MYH13: variants seen among roughly 807,000 people sequenced by gnomAD.
MYH13 encodes the protein myosin-13.
Under a neutral mutation model 232.1 loss-of-function variants are expected in MYH13, and 177 were observed. The observed-to-expected ratio is 0.76, with a 90% CI of 0.67 to 0.86. The LOEUF (loss-of-function observed/expected upper bound fraction) is 0.86, where lower values mean the gene tolerates loss of function less well. Among genes scored for constraint, MYH13 ranks in the 40% least tolerant of loss-of-function variants. The probability of loss-of-function intolerance (pLI) is 0.00; values close to 1 mark genes in which losing one functional copy is unlikely to be tolerated. For missense variants in MYH13, 2,246 were observed against 2,405.9 expected (o/e 0.93, Z 1.39); for synonymous variants, 884 against 923.5 (o/e 0.96, Z 0.78).
rs778403927 is a variant in MYH13, at chr17:10,306,415, C to G, written c.5466+44G>C. The G allele has an allele frequency of 6.2e-7, 1 of 1,612,518 alleles. No individual in the cohort carries two copies. Among genetic ancestry groups the G allele is most frequent in the African/African-American group, 1.3e-5 (1 of 74,802 alleles). ...TCAGTTTCTGGACTGTGGTTCTGTC[C>G]GAGGCTGTCACTTTCAGAGTAACAG... On this transcript the variant is annotated intron_variant, in intron 37 of 40. Coordinates refer to ENST00000252172, the MANE Select transcript of MYH13 (RefSeq NM_003802.3). The surrounding 1 kb of genome is among the most constrained non-coding windows in gnomAD (Gnocchi z 4.3).
In MYH13 at chr17:10,350,790, A is replaced by G. The variant is rs562868435; in HGVS notation, c.1006-96T>C. On this transcript the variant is annotated intron_variant, in intron 11 of 40. Coordinates refer to ENST00000252172, the MANE Select transcript of MYH13 (RefSeq NM_003802.3). Reference sequence around the variant, plus strand: ...ACCTTACCTCTTTTTTGTATAGCATATGAGACAGCATTTGCCCAAATAAGT... The same window carrying G: ...ACCTTACCTCTTTTTTGTATAGCATGTGAGACAGCATTTGCCCAAATAAGT... 1,153 of 1,492,310 alleles carry G rather than the reference A, an allele frequency of 7.7e-4. 2 individuals are homozygous for G. The highest frequency in any genetic ancestry group is 9.7e-4 in the Non-Finnish European group (1,047 of 1,078,344). 92.4% of individuals were successfully genotyped at this position (1,492,310 alleles called of 1,614,324 possible).
At chr17:10,363,121 G>T (rs982562413) in intron 3 of MYH13, among the ~76,000 whole-genome samples, 4 of 151,532 alleles carry the variant, frequency 2.6e-5, no homozygotes, top group Non-Finnish European at 5.9e-5. Flanking sequence ...TTTTCCCTCT[G>T]TTTTTTTCCC....
At chr17:10,322,236 CA>C (rs10715626) in intron 23 of MYH13, among the ~76,000 whole-genome samples, 112,721 of 149,462 alleles carry the variant, frequency 0.75, 43,008 homozygotes, top group South Asian at 0.9. Flanking sequence ...ACTAAAAATA[CA>C]AAAAAAAAAA....
In MYH13 at chr17:10,337,563, A is replaced by T. The variant is rs930879113; in HGVS notation, c.2056+2587T>A. ...TGCTCTAGGTGCCCTGGGGTAAGGC[A>T]TGGAAATCTCCATAGTCTCTAGTCT... is the stretch of plus-strand genomic sequence containing the variant. On this transcript the variant is annotated intron_variant, in intron 18 of 40. Transcript: ENST00000252172. Among the ~76,000 whole-genome samples the T allele has an allele frequency of 3.8e-4, 58 of 152,300 alleles. 1 individual carries two copies. The highest frequency in any genetic ancestry group is 1.3e-3 in the African/African-American group (52 of 41,574).
chr17:10,315,615 C>T (rs1242343134), intron 29 of MYH13, 78 bp downstream of exon 29: 6 of 1,285,774 alleles, frequency 4.7e-6, no homozygotes, highest in Non-Finnish European at 6.6e-6. Context: ...CTTGATGTAG[C>T]ACTGCTCTGA....
chr17:10,323,586 C>T (rs886702418), intron 23 of MYH13, among the ~76,000 whole-genome samples: 3 of 151,632 alleles, frequency 2.0e-5, no homozygotes, highest in Non-Finnish European at 2.9e-5. Context: ...GGTGAAACTC[C>T]GTCTCTACTA....
At position 10,315,789 on chromosome 17, in the gene MYH13, T is replaced by C. The variant is rs1470482420; in HGVS notation, c.3888A>G (p.Glu1296=). 2 of 1,613,970 alleles carry C rather than the reference T, an allele frequency of 1.2e-6. No homozygotes were observed. The highest frequency in any genetic ancestry group is 1.7e-6 in the Non-Finnish European group (2 of 1,179,876). The change falls in exon 29 of 41, where the codon GAA becomes GAG. Residue 1296 remains glutamate, a synonymous_variant. Coordinates refer to ENST00000252172, the MANE Select transcript of MYH13 (RefSeq NM_003802.3). ...TQNGELSHRV[E]EKESLISQLT... ...GCTGTGAAATCAGAGACTCCTTCTC[T>C]TCCACTCGGTGGCTCAGCTCCCCTA...
At position 10,357,772 on chromosome 17, in the gene MYH13, T is replaced by C; in HGVS notation, c.701A>G (p.Asn234Ser). The C allele has an allele frequency of 6.2e-7, 1 of 1,614,042 alleles. No homozygotes were observed. Among genetic ancestry groups the C allele is most frequent in the Non-Finnish European group, 8.5e-7 (1 of 1,179,942 alleles). Residue 234 changes from asparagine (N) to serine (S), a missense_variant, in exon 8 of 41, where the codon AAT (asparagine) becomes AGT (serine). Physicochemically the swap from Asn to Ser is conservative, Grantham distance 46. Coordinates refer to ENST00000252172, the MANE Select transcript of MYH13 (RefSeq NM_003802.3). ...GTTGTCATTCCTCACAGTCTTGGCA[T>C]TTCCAAAGGCCTCCAGCAGTGGGTT... ...QANPLLEAFG[N>S]AKTVRNDNSS...
At position 10,328,180 on chromosome 17, in the gene MYH13, C is replaced by G. The variant is rs989708357; in HGVS notation, c.2436-59G>C. The G allele has an allele frequency of 1.3e-5, 20 of 1,584,004 alleles. No individual in the cohort carries two copies. In the African/African-American group the frequency reaches 1.9e-4, roughly 15 times the overall value. On this transcript the variant is annotated intron_variant, in intron 21 of 40. Transcript: ENST00000252172. ...CAGCAAGGTCTGGTCTCTGCACCCC[C>G]AACCTGTCCCCGACGGACCCCATCC...
Position 10,330,510 on chromosome 17 carries a change from G to A in MYH13, c.2312C>T (p.Ala771Val), listed in dbSNP as rs765633329. 3.1e-6 allele frequency: 5 copies of A among 1,609,452 alleles called. No individual in the cohort carries two copies. Among genetic ancestry groups the A allele is most frequent in the Admixed American group, 1.7e-5 (1 of 59,548 alleles). The change falls in exon 21 of 41, where the codon GCT (alanine) becomes GTT (valine). Residue 771 changes from alanine (A) to valine (V), a missense_variant. Coordinates refer to ENST00000252172, the MANE Select transcript of MYH13 (RefSeq NM_003802.3). Reference sequence around the variant, plus strand: ...CTCCTCCAAAAGTCCCAGGAGCCCAGCTTTGAAAAACACCTGCATTAAAAG... The same window carrying A: ...CTCCTCCAAAAGTCCCAGGAGCCCAACTTTGAAAAACACCTGCATTAAAAG... The part of the protein sequence containing the change: ...RFGNTKVFFK[A>V]GLLGLLEEMR...
At chr17:10,368,087 T>C (rs1183270763) in intron 2 of MYH13, among the ~76,000 whole-genome samples, 2 of 152,204 alleles carry the variant, frequency 1.3e-5, no homozygotes, top group African/African-American at 4.8e-5. Context: ...AAAATACTGG[T>C]TCACTGAATT....
At chr17:10,322,205 A>G (rs931783188) in intron 23 of MYH13, among the ~76,000 whole-genome samples, 5 of 150,642 alleles carry the variant, frequency 3.3e-5, no homozygotes, top group African/African-American at 4.9e-5. Flanking sequence ...ATCCTGACTA[A>G]CATCGTGAAA....
At chr17:10,326,922 T>C (rs12938606) in intron 22 of MYH13, among the ~76,000 whole-genome samples, 84,375 of 143,064 alleles carry the variant, frequency 0.59, 25,316 homozygotes, top group Non-Finnish European at 0.66. Flanking sequence ...CTCAGGTGAT[T>C]CTCCCACCTC....
intron 15 of MYH13, 141 bp from the exon 16 acceptor site, chr17:10,344,250 G>C: frequency 7.8e-7 from 1 of 1,277,630 alleles, no homozygotes; most frequent in African/African-American, 1.5e-5. Context: ...CAAGACTCTT[G>C]GTCTGTTTGG....
At position 10,312,771 on chromosome 17, in the gene MYH13, ATT is replaced by A. The variant is rs202132532; in HGVS notation, c.4182-16_4182-15del. 3 of 1,524,488 alleles carry A rather than the reference ATT, an allele frequency of 2.0e-6. No individual in the cohort carries two copies. The South Asian group carries it at 3.6e-5, about 18-fold the overall frequency. The allele number at this position is 1,524,488 out of a possible 1,614,324, so 94.4% of individuals were successfully genotyped here. ...GCCAGTTTTTTCCTACGAAAACCAG[ATT>A]TTTTTTTTCCCCTTCGCAAAGGTGG... On this transcript the variant is annotated splice_polypyrimidine_tract_variant and intron_variant, in intron 30 of 40. Transcript: ENST00000252172.
chr17:10,351,975 G>A (rs948041357), intron 11 of MYH13, among the ~76,000 whole-genome samples: 31 of 152,130 alleles, frequency 2.0e-4, no homozygotes, highest in African/African-American at 7.5e-4. Flanking sequence ...AGTGGAGAAT[G>A]AGCCTATGCC....
chr17:10,323,787 A>AAAAGAAG (rs1907083494), intron 23 of MYH13, among the ~76,000 whole-genome samples: 1 of 66,706 alleles, frequency 1.5e-5, no homozygotes, highest in Non-Finnish European at 2.8e-5. Flanking sequence ...AAAAAAAAAA[A>AAAAGAAG]AAGAAGAAGA....
At position 10,335,519 on chromosome 17, in the gene MYH13, G is replaced by A. The variant is rs886942994; in HGVS notation, c.2057-2328C>T. 5.3e-5 allele frequency among the ~76,000 whole-genome samples: 8 copies of A among 152,290 alleles called. No homozygotes were observed. The South Asian group carries it at 1.4e-3, about 28-fold the overall frequency. ...TGTAATCCCAGCACTTTGGGAGGCC[G>A]AGGTGGGCGGATCGCCTGAGGTCAG... is the stretch of plus-strand genomic sequence containing the variant. On this transcript the variant is annotated intron_variant, in intron 18 of 40. Transcript: ENST00000252172.
chr17:10,322,703 A>T (rs192251581), intron 23 of MYH13, among the ~76,000 whole-genome samples: 1 of 136,044 alleles, frequency 7.4e-6, no homozygotes, highest in Non-Finnish European at 1.5e-5. Flanking sequence ...GCGCAGTCTC[A>T]GCTCACTGCA....
Sources: allele counts gnomAD v4.1 joint callset (sites outside exome capture counted in the v4.1 genomes callset), GRCh38; gene constraint gnomAD v4.1.1; non-coding constraint Gnocchi (gnomAD v3.1); transcripts MANE v1.5; gene names NCBI Gene and HGNC (gene_info 2026-07-23, HGNC 2026-07-21).